The following TMEM116 variants were observed in gnomAD, a reference collection of about 807,000 sequenced individuals.
TMEM116 encodes transmembrane protein 116.
A neutral mutation model predicts 44.3 loss-of-function variants in TMEM116; 38 were observed. The ratio of observed to expected loss-of-function variants is 0.86; its 90% CI spans 0.66 to 1.12. The LOEUF (loss-of-function observed/expected upper bound fraction) is 1.12. TMEM116 is among the 50% of genes most tolerant of loss of function. The probability of loss-of-function intolerance (pLI) is 0.00; values close to 1 mark genes in which losing one functional copy is unlikely to be tolerated. For synonymous variants in TMEM116, 132 were observed against 144.8 expected, an observed-to-expected ratio of 0.91 and a Z score of 0.64; for missense variants, 354 against 401.7, an observed-to-expected ratio of 0.88 and a Z score of 1.01.
intron 4 of TMEM116, among the ~76,000 whole-genome samples, chr12:111,976,990 A>G (rs757404772): frequency 3.3e-5 from 5 of 152,182 alleles, no homozygotes; most frequent in Non-Finnish European, 5.9e-5. Context: ...TAAAAGGTGT[A>G]ACATAGGTAT....
rs1005272390 is a variant in TMEM116, at chr12:111,945,367, A to G, written c.211-1998T>C. Among the ~76,000 whole-genome samples, 26 of 150,726 alleles carry G rather than the reference A, an allele frequency of 1.7e-4. 1 individual carries two copies. In the South Asian group the frequency reaches 1.9e-3, roughly 11 times the overall value. On this transcript the variant is annotated intron_variant, in intron 4 of 10. Coordinates refer to ENST00000552374, the MANE Select transcript of TMEM116 (RefSeq NM_001193531.2). ...TCAAAAAAAAAAAAAAAAAAAAAAA[A>G]AAGAAGAAGAAATAGGTAATTTCAT...
chr12:112,007,150 C>T (rs981675269), intron 1 of TMEM116, among the ~76,000 whole-genome samples: 4 of 152,200 alleles, frequency 2.6e-5, no homozygotes, highest in South Asian at 4.1e-4. Context: ...TGTGCTGGCC[C>T]ACGCCTGTAA....
At chr12:111,988,250 T>C (rs1164410384) in intron 4 of TMEM116, among the ~76,000 whole-genome samples, 3 of 152,236 alleles carry the variant, frequency 2.0e-5, no homozygotes, top group African/African-American at 7.2e-5. Context: ...ACTGTGGTTA[T>C]AGTTGTATAA....
At position 111,960,491 on chromosome 12, in the gene TMEM116, C is replaced by CAAA. The variant is rs545322547; in HGVS notation, c.211-17125_211-17123dup. Among the ~76,000 whole-genome samples, 13 of 28,586 alleles carry CAAA rather than the reference C, an allele frequency of 4.5e-4. 1 individual carries two copies. Among genetic ancestry groups the CAAA allele is most frequent in the African/African-American group, 1.1e-3 (9 of 8,456 alleles). 18.8% of individuals were successfully genotyped at this position (28,586 alleles called of 152,430 possible). The stretch of plus-strand genomic sequence containing the variant: ...TGGGCGACAGAGCAAGACTCCGTCT[C>CAAA]AAAAAAAAAAAAAAAAAAAAAAAAA... On this transcript the variant is annotated intron_variant, in intron 4 of 10. Coordinates refer to ENST00000552374, the MANE Select transcript of TMEM116 (RefSeq NM_001193531.2).
chr12:112,001,443 C>G (rs930027802), intron 3 of TMEM116, among the ~76,000 whole-genome samples: 11 of 152,124 alleles, frequency 7.2e-5, no homozygotes, highest in African/African-American at 2.7e-4. Flanking sequence ...TCCTGGGTAG[C>G]TAGAACTATA....
intron 4 of TMEM116, among the ~76,000 whole-genome samples, chr12:111,979,696 G>A (rs1358211607): frequency 6.6e-6 from 1 of 152,050 alleles, no homozygotes; most frequent in African/African-American, 2.4e-5. Context: ...GCCACAGACT[G>A]GAAGAAAACA....
intron 4 of TMEM116, among the ~76,000 whole-genome samples, chr12:111,963,669 G>T (rs1017009794): frequency 1.3e-5 from 2 of 152,128 alleles, no homozygotes; most frequent in African/African-American, 2.4e-5. Flanking sequence ...CCTGTCAGGG[G>T]GTTGGGGGCT....
At chr12:111,944,922 C>G (rs2073128639) in intron 4 of TMEM116, among the ~76,000 whole-genome samples, 1 of 151,682 alleles carries the variant, frequency 6.6e-6, no homozygotes, top group African/African-American at 2.4e-5. Context: ...TAAAAGCAAG[C>G]CTAATTAGTG....
chr12:111,969,883 G>T (rs542795506), intron 4 of TMEM116, among the ~76,000 whole-genome samples: 5 of 152,178 alleles, frequency 3.3e-5, no homozygotes, highest in Non-Finnish European at 5.9e-5. Flanking sequence ...CCTGGCCTGA[G>T]ATTTTTTTTA....
intron 4 of TMEM116, among the ~76,000 whole-genome samples, chr12:111,969,088 C>T (rs992229365): frequency 2.0e-5 from 3 of 150,444 alleles, no homozygotes; most frequent in East Asian, 2.0e-4. Context: ...TGGGAGGCCA[C>T]GGCGGGTGGA....
chr12:112,003,937 GT>G (rs984051117), intron 2 of TMEM116, 74 bp from the exon 3 acceptor site: 16 of 1,409,654 alleles, frequency 1.1e-5, no homozygotes, highest in South Asian at 1.5e-5. Flanking sequence ...TTAATTTTGG[GT>G]TTTTTTTACA....
chr12:111,957,201 G>A (rs1045893834), intron 4 of TMEM116, among the ~76,000 whole-genome samples: 4 of 151,436 alleles, frequency 2.6e-5, no homozygotes, highest in Admixed American at 1.3e-4. Context: ...CTGCCTGGCC[G>A]CCCATCATCT....
At chr12:111,942,422 G>A (rs941951084) in intron 5 of TMEM116, among the ~76,000 whole-genome samples, 3 of 152,010 alleles carry the variant, frequency 2.0e-5, no homozygotes, top group Non-Finnish European at 2.9e-5. Flanking sequence ...ACAGGCGCCC[G>A]CCACCACGTC....
intron 4 of TMEM116, among the ~76,000 whole-genome samples, chr12:111,983,165 C>A (rs374979956): frequency 6.6e-6 from 1 of 151,828 alleles, no homozygotes; most frequent in African/African-American, 2.4e-5. Context: ...GGGCCAGGCA[C>A]GGTGGCTCAT....
chr12:111,974,243 T>C (rs2075527972), intron 4 of TMEM116, among the ~76,000 whole-genome samples: 1 of 152,000 alleles, frequency 6.6e-6, no homozygotes. Context: ...AGGTGAAAGA[T>C]GGAATGCTTT....
intron 7 of TMEM116, 34 bp from the exon 8 acceptor site, chr12:111,936,864 A>G: frequency 6.5e-7 from 1 of 1,546,474 alleles, no homozygotes; most frequent in Non-Finnish European, 8.7e-7. Context: ...GAGTACTACT[A>G]CAGATGTAAG....
In TMEM116 at chr12:111,991,762, C is replaced by T. The variant is rs2076616916; in HGVS notation, c.206G>A (p.Gly69Glu). Residue 69 changes from glycine (G) to glutamate (E), a missense_variant, in exon 4 of 11, where the codon GGA becomes GAA. Coordinates refer to ENST00000552374, the MANE Select transcript of TMEM116 (RefSeq NM_001193531.2). ...TGACAGTCTTGTAGCACTCACCTGT[C>T]CAACTGCTTGTAGGTTATAGCAGAT... ...DIICYNLQAV[G>E]QIFYISSFLY... The T allele has an allele frequency of 6.5e-7, 1 of 1,534,720 alleles. No homozygotes were observed. The highest frequency in any genetic ancestry group is 2.4e-5 in the East Asian group (1 of 40,854).
intron 4 of TMEM116, among the ~76,000 whole-genome samples, chr12:111,982,700 C>T (rs954042450): frequency 2.6e-5 from 4 of 152,112 alleles, no homozygotes; most frequent in African/African-American, 9.7e-5. Flanking sequence ...AGGCCACATG[C>T]ATGTCCAGAG....
At chr12:111,961,936 A>C (rs2074617968) in intron 4 of TMEM116, among the ~76,000 whole-genome samples, 1 of 152,366 alleles carries the variant, frequency 6.6e-6, no homozygotes, top group East Asian at 1.9e-4. Context: ...GTCTCAGCCC[A>C]AAATCTCCTT....
Sources: gnomAD v4.1 joint callset for allele counts (sites outside exome capture counted in the v4.1 genomes callset) on GRCh38, gnomAD v4.1.1 for gene constraint, MANE v1.5 for transcripts, NCBI Gene and HGNC (gene_info 2026-07-23, HGNC 2026-07-21) for gene names.